The following MTHFSD variants were observed in gnomAD, a reference collection of about 807,000 sequenced individuals.
MTHFSD encodes methenyltetrahydrofolate synthase domain-containing protein.
A neutral mutation model predicts 31.1 loss-of-function variants in MTHFSD; 37 were observed. That is an observed-to-expected ratio of 1.19 (90% CI 0.91 to 1.56). MTHFSD has a LOEUF of 1.56. Ranked by LOEUF, MTHFSD falls within the 40% of genes most tolerant of loss-of-function variation. The probability of loss-of-function intolerance (pLI) is 0.00; values close to 1 mark genes in which losing one functional copy is unlikely to be tolerated. For missense variants in MTHFSD, 664 were observed against 510.1 expected (o/e 1.30, Z -2.91); for synonymous variants, 221 against 206.9 (o/e 1.07, Z -0.59).
intron 5 of MTHFSD, among the ~76,000 whole-genome samples, chr16:86,543,153 G>GA (rs1567542405): frequency 1.3e-5 from 2 of 152,246 alleles, no homozygotes; most frequent in Non-Finnish European, 2.9e-5. Context: ...CCGCAAACAT[G>GA]AAAAATGCTT....
intron 4 of MTHFSD, 87 bp from the exon 5 acceptor site, chr16:86,546,736 A>G: frequency 8.6e-7 from 1 of 1,160,436 alleles, no homozygotes; most frequent in South Asian, 1.3e-5. Flanking sequence ...TCAGGGTTTG[A>G]ATCAACCTCT....
At position 86,531,515 on chromosome 16, in the gene MTHFSD, CAT is replaced by C. The variant is rs981600717; in HGVS notation, c.*494_*495del. On this transcript the variant is annotated 3_prime_UTR_variant, in exon 8 of 8. Transcript: ENST00000360900. The surrounding 1 kb of genome is among the most constrained non-coding windows in gnomAD (Gnocchi z 5.5). ...GGCTGAGCTTCCTGGGCTCCTGCGA[CAT>C]GGATGGAGCTCTCCCTGCCGTGCTG... The C allele has an allele frequency of 2.6e-5, 4 of 152,422 alleles. No individual in the cohort carries two copies. Among genetic ancestry groups the C allele is most frequent in the Admixed American group, 6.5e-5 (1 of 15,296 alleles). The allele number at this position is 152,422 out of a possible 1,614,324, so 9.4% of individuals were successfully genotyped here. A position where few individuals can be genotyped will look rare whatever the true frequency, so the allele number is the denominator to read the frequency against.
At position 86,541,783 on chromosome 16, in the gene MTHFSD, T is replaced by C. The variant is rs1416841419; in HGVS notation, c.595A>G (p.Ile199Val). 6 of 1,614,072 alleles carry C rather than the reference T, an allele frequency of 3.7e-6. No individual in the cohort carries two copies. In the African/African-American group the frequency reaches 6.7e-5, roughly 18 times the overall value. Residue 199 changes from isoleucine (I) to valine (V), a missense_variant, in exon 7 of 8, where the codon ATC (isoleucine) becomes GTC (valine). Physicochemically the swap from Ile to Val is conservative, Grantham distance 29. Coordinates refer to ENST00000360900, the MANE Select transcript of MTHFSD (RefSeq NM_001159377.2). Reference sequence around the variant, plus strand: ...GGAGTGAGGATGTAGTCCACAGTGATGTCGTGCTCCTCAACAAGCTCTTCA... The same window carrying C: ...GGAGTGAGGATGTAGTCCACAGTGACGTCGTGCTCCTCAACAAGCTCTTCA... ...IPEELVEEHD[I>V]TVDYILTPTR...
rs1488023986 is a variant in MTHFSD at position 86,552,026 on chromosome 16, G to C, written c.237+7C>G. The stretch of plus-strand genomic sequence containing the variant: ...GGTCTCGGCTCGGCTCAGGGAAGTG[G>C]AATTACCTGCAGCACCAGCAGCCGA... On this transcript the variant is annotated splice_region_variant and intron_variant, in intron 3 of 7. Transcript: ENST00000360900. 2.5e-6 allele frequency: 4 copies of C among 1,614,148 alleles called. No homozygotes were observed. Among genetic ancestry groups the C allele is most frequent in the Non-Finnish European group, 3.4e-6 (4 of 1,180,022 alleles).
intron 7 of MTHFSD, 112 bp from the exon 8 acceptor site, chr16:86,532,593 C>A: frequency 1.2e-6 from 1 of 856,794 alleles, no homozygotes; most frequent in Non-Finnish European, 1.6e-6. Flanking sequence ...GACTGGATGC[C>A]AAGTGGTCTG....
intron 3 of MTHFSD, 173 bp downstream of exon 3, chr16:86,551,860 G>A (rs1973193993): frequency 1.7e-6 from 2 of 1,201,496 alleles, no homozygotes; most frequent in Admixed American, 2.9e-5. Context: ...AACAGCTGAA[G>A]GGCTTCTGAA....
intron 5 of MTHFSD, among the ~76,000 whole-genome samples, chr16:86,544,821 G>A (rs946905035): frequency 1.3e-5 from 2 of 152,148 alleles, no homozygotes; most frequent in Non-Finnish European, 1.5e-5. Context: ...GCTCATCAAC[G>A]ATAGGCTGGA....
At chr16:86,536,478 G>C (rs1485369474) in intron 7 of MTHFSD, among the ~76,000 whole-genome samples, 1 of 152,172 alleles carries the variant, frequency 6.6e-6, no homozygotes, top group Admixed American at 6.5e-5. Context: ...GTAGAAAAAG[G>C]CTCAATAGGG....
chr16:86,539,578 C>A (rs1353323250), intron 7 of MTHFSD, among the ~76,000 whole-genome samples: 1 of 152,140 alleles, frequency 6.6e-6, no homozygotes, highest in Non-Finnish European at 1.5e-5. Context: ...CTGCTAAACT[C>A]AGCAATACAC....
chr16:86,535,731 G>A (rs1293571288), intron 7 of MTHFSD, among the ~76,000 whole-genome samples: 1 of 152,174 alleles, frequency 6.6e-6, no homozygotes, highest in Non-Finnish European at 1.5e-5. Context: ...AGACACCTGG[G>A]CTCCAATCTT....
chr16:86,538,170 G>C (rs1295996062), intron 7 of MTHFSD, among the ~76,000 whole-genome samples: 1 of 152,228 alleles, frequency 6.6e-6, no homozygotes, highest in Non-Finnish European at 1.5e-5. Flanking sequence ...TCTGGAGTCT[G>C]TAGCCATGTC....
intron 2 of MTHFSD, 48 bp downstream of exon 2, chr16:86,554,597 T>G (rs1417660176): frequency 7.4e-7 from 1 of 1,356,634 alleles, no homozygotes; most frequent in African/African-American, 1.4e-5. Flanking sequence ...GTTATTCATT[T>G]AAGAATATTT....
At chr16:86,534,619 T>A (rs1050463063) in intron 7 of MTHFSD, among the ~76,000 whole-genome samples, 1 of 152,204 alleles carries the variant, frequency 6.6e-6, no homozygotes, top group African/African-American at 2.4e-5. Context: ...TATAAACTGG[T>A]CATCATTTGA....
At chr16:86,544,941 C>G (rs1972062509) in intron 5 of MTHFSD, among the ~76,000 whole-genome samples, 4 of 152,220 alleles carry the variant, frequency 2.6e-5, no homozygotes, top group Admixed American at 1.3e-4. Flanking sequence ...TTATCCTCAG[C>G]AAACGAACGC....
At chr16:86,534,497 G>A (rs1970408212) in intron 7 of MTHFSD, among the ~76,000 whole-genome samples, 1 of 152,132 alleles carries the variant, frequency 6.6e-6, no homozygotes, top group South Asian at 2.1e-4. Flanking sequence ...AGATGGGAGG[G>A]GAAGAATGAG....
chr16:86,554,932 T>C (rs1190732349), intron 1 of MTHFSD, 181 bp from the exon 2 acceptor site: 2 of 1,139,226 alleles, frequency 1.8e-6, no homozygotes, highest in African/African-American at 1.6e-5. Flanking sequence ...ACGGCAGGTG[T>C]CCCTCCCGCC....
intron 7 of MTHFSD, chr16:86,540,870 C>G (rs961847577): frequency 7.3e-6 from 8 of 1,100,778 alleles, no homozygotes; most frequent in Non-Finnish European, 8.9e-6. Context: ...CCTGGGAGTC[C>G]CCAGCAGTGC....
intron 2 of MTHFSD, among the ~76,000 whole-genome samples, chr16:86,554,109 A>G (rs1973655591): frequency 6.6e-6 from 1 of 152,150 alleles, no homozygotes; most frequent in African/African-American, 2.4e-5. Flanking sequence ...CAGCAGCAAC[A>G]ACCCTCTCCA....
chr16:86,532,419 C>A lies in MTHFSD; in HGVS notation c.744G>T (p.Gln248His). The A allele has an allele frequency of 6.7e-7, 1 of 1,493,098 alleles. No homozygotes were observed. The highest frequency in any genetic ancestry group is 8.9e-7 in the Non-Finnish European group (1 of 1,121,240). The allele number at this position is 1,493,098 out of a possible 1,614,324, so 92.5% of individuals were successfully genotyped here. The stretch of plus-strand genomic sequence containing the variant: ...CCTGGAGGGTGACATCCTTCCCAGC[C>A]TGCTGCTCTCGGGCGCGGAGGCTCC... ...ILRSLRAREQ[Q>H]AGKDVTLQGE... Residue 248 changes from glutamine to histidine, a missense_variant, in exon 8 of 8, where the codon CAG becomes CAT. By Grantham distance (24) the Gln-to-His change is conservative. Coordinates refer to ENST00000360900, the MANE Select transcript of MTHFSD (RefSeq NM_001159377.2).
Sources: gnomAD v4.1 joint callset for allele counts (sites outside exome capture counted in the v4.1 genomes callset) on GRCh38, gnomAD v4.1.1 for gene constraint, Gnocchi (gnomAD v3.1) non-coding constraint, MANE v1.5 for transcripts, NCBI Gene and HGNC (gene_info 2026-07-23, HGNC 2026-07-21) for gene names.